Variants in ZNF564 observed in about 807,000 individuals in gnomAD.
ZNF564 encodes the protein zinc finger protein 564.
ZNF564 carries 5 observed loss-of-function variants against 10.5 expected under a neutral mutation model. The observed-to-expected ratio is 0.48, with a 90% confidence interval of 0.25 to 1.00. The LOEUF is 1.00. Among genes scored for constraint, ZNF564 ranks in the 50% least tolerant of loss-of-function variants. ZNF564 has a pLI of 0.16. For synonymous variants in ZNF564, 242 were observed against 218.1 expected, an observed-to-expected ratio of 1.11 and a Z score of -0.97; for missense variants, 603 against 669.7, an observed-to-expected ratio of 0.90 and a Z score of 1.10.
chr19:12,537,802 C>T (rs544197780), intron 1 of ZNF564, among the ~76,000 whole-genome samples: 2 of 151,106 alleles, frequency 1.3e-5, no homozygotes, highest in African/African-American at 4.8e-5. Flanking sequence ...TTGGGTTGTT[C>T]AGTGACAATG....
chr19:12,527,435 A>C lies in ZNF564; in HGVS notation c.673T>G (p.Tyr225Asp). 1 of 1,613,840 alleles carries C rather than the reference A, an allele frequency of 6.2e-7. No homozygotes were observed. Residue 225 changes from tyrosine (Y) to aspartate (D), a missense_variant, in exon 4 of 4, where the codon TAT becomes GAT. Coordinates refer to ENST00000339282, the MANE Select transcript of ZNF564 (RefSeq NM_144976.4). ...HERTHTGEKP[Y>D]ECQECAKAFI... ...GCTTTTGCACATTCCTGACATTCAT[A>C]GGGTTTCTCTCCAGTGTGAGTTCTT...
intron 1 of ZNF564, among the ~76,000 whole-genome samples, chr19:12,549,313 C>A (rs1173154019): frequency 1.3e-5 from 2 of 152,154 alleles, no homozygotes; most frequent in African/African-American, 2.4e-5. Flanking sequence ...CAATGCTGAC[C>A]TGGAATACAG....
chr19:12,541,082 A>AG (rs1200690587), intron 1 of ZNF564, among the ~76,000 whole-genome samples: 2 of 150,368 alleles, frequency 1.3e-5, no homozygotes, highest in Non-Finnish European at 3.0e-5. Flanking sequence ...AAAAAAAAAA[A>AG]AAAAAAGAAA....
chr19:12,549,168 CTT>C (rs975886318), intron 1 of ZNF564, among the ~76,000 whole-genome samples: 9 of 152,306 alleles, frequency 5.9e-5, no homozygotes, highest in African/African-American at 2.2e-4. Flanking sequence ...TCTTTCTCCC[CTT>C]TGTGACCCTC....
intron 1 of ZNF564, among the ~76,000 whole-genome samples, chr19:12,544,145 C>T (rs993950056): frequency 3.3e-5 from 5 of 152,174 alleles, no homozygotes; most frequent in Non-Finnish European, 1.5e-5. Flanking sequence ...CAGTACAGCA[C>T]TTTCTCAACC....
In ZNF564 at chr19:12,526,990, G is replaced by C. The variant is rs1196224492; in HGVS notation, c.1118C>G (p.Ala373Gly). ...TCGGACACTTGGGAGAGAAATGAAG[G>C]CTTTCCCGCATTCCTTACATTCATA... Reference protein sequence around the residue: ...KPYECKECGKAFISLPSVRRH... With the variant: ...KPYECKECGKGFISLPSVRRH... The change falls in exon 4 of 4, where the codon GCC becomes GGC. Residue 373 changes from alanine to glycine, a missense_variant. Transcript: ENST00000339282. The C allele has an allele frequency of 6.2e-7, 1 of 1,614,010 alleles. No homozygotes were observed. The highest frequency in any genetic ancestry group is 8.5e-7 in the Non-Finnish European group (1 of 1,180,006).
rs1253211293 is a variant in ZNF564, at chr19:12,525,620, C to G, written c.*826G>C. ...ACGTGCTTATTGGCCATCTGGGTAT[C>G]TTCTTTGGAGAAATGTCTATTCAAG... On this transcript the variant is annotated 3_prime_UTR_variant, in exon 4 of 4. Transcript: ENST00000339282. 1 of 152,174 alleles carries G rather than the reference C, an allele frequency of 6.6e-6. No individual in the cohort carries two copies. The highest frequency in any genetic ancestry group is 1.5e-5 in the Non-Finnish European group (1 of 68,024). 9.4% of individuals were successfully genotyped at this position (152,174 alleles called of 1,614,324 possible).
Position 12,527,214 on chromosome 19 carries a change from A to G in ZNF564, c.894T>C (p.Ser298=). The change falls in exon 4 of 4, where the codon AGT becomes AGC. Residue 298 remains serine, a synonymous_variant. Coordinates refer to ENST00000339282, the MANE Select transcript of ZNF564 (RefSeq NM_144976.4). Reference sequence around the variant, plus strand: ...CATCCCCAGTGTGCCTAATCATATGACTTTGAAAATTTGTGAAAGAAATGA... The same window carrying G: ...CATCCCCAGTGTGCCTAATCATATGGCTTTGAAAATTTGTGAAAGAAATGA... ...KAFISFTNFQ[S]HMIRHTGDGP... is the part of the protein sequence containing the mutation. 6.2e-7 allele frequency: 1 copy of G among 1,613,730 alleles called. No homozygotes were observed.
intron 1 of ZNF564, among the ~76,000 whole-genome samples, 185 bp downstream of exon 1, chr19:12,551,145 T>C (rs1271953607): frequency 1.3e-5 from 2 of 152,232 alleles, no homozygotes; most frequent in Non-Finnish European, 2.9e-5. Context: ...ACAGGACGCC[T>C]GGGGTACTGG....
At chr19:12,537,157 A>T (rs1286961477) in intron 1 of ZNF564, among the ~76,000 whole-genome samples, 1 of 152,202 alleles carries the variant, frequency 6.6e-6, no homozygotes. Context: ...TTTATGGTAG[A>T]ATTATATTCC....
intron 1 of ZNF564, among the ~76,000 whole-genome samples, chr19:12,546,437 C>T (rs1419017774): frequency 6.6e-6 from 1 of 152,130 alleles, no homozygotes; most frequent in African/African-American, 2.4e-5. Context: ...TATAAGAAAG[C>T]CAGACAGGCG....
chr19:12,535,800 G>C (rs1262469715), intron 1 of ZNF564, among the ~76,000 whole-genome samples: 4 of 152,186 alleles, frequency 2.6e-5, no homozygotes, highest in Middle Eastern at 3.4e-3. Flanking sequence ...CAGATCACGA[G>C]GTCAAGAGAT....
At position 12,535,661 on chromosome 19, in the gene ZNF564, T is replaced by C. The variant is rs1401371962; in HGVS notation, c.4-6965A>G. On this transcript the variant is annotated intron_variant, in intron 1 of 3. Coordinates refer to ENST00000339282, the MANE Select transcript of ZNF564 (RefSeq NM_144976.4). ...TCAACTCTAATGTAAAATGTAAACA[T>C]TAATGCATCCATATTGGTTCAACTG... 2.6e-5 allele frequency among the ~76,000 whole-genome samples: 4 copies of C among 152,228 alleles called. 1 individual carries two copies. The highest frequency in any genetic ancestry group is 5.9e-5 in the Non-Finnish European group (4 of 68,012).
chr19:12,537,396 G>A (rs778430852), intron 1 of ZNF564, among the ~76,000 whole-genome samples: 2 of 152,006 alleles, frequency 1.3e-5, no homozygotes, highest in African/African-American at 2.4e-5. Flanking sequence ...AATTTATGTT[G>A]TATCAGGTAT....
chr19:12,526,789 A>G lies in ZNF564; in HGVS notation c.1319T>C (p.Met440Thr), dbSNP rs1020989307. 1.2e-6 allele frequency: 2 copies of G among 1,613,832 alleles called. No homozygotes were observed. The highest frequency in any genetic ancestry group is 1.3e-5 in the African/African-American group (1 of 74,852). Residue 440 changes from methionine (M) to threonine (T), a missense_variant, in exon 4 of 4, where the codon ATG (methionine) becomes ACG (threonine). Met to Thr is a moderately conservative substitution (Grantham distance 81, BLOSUM62 -1). Transcript: ENST00000339282. ...FISLKRIRKH[M>T]ILHTGDGPYK... ...AGGTCCATCTCCAGTGTGCAGTATC[A>G]TATGTTTTCTAATCCTTTTAAGAGA...
Position 12,551,435 on chromosome 19 carries a change from A to G in ZNF564, c.-103T>C. 1 of 1,448,148 alleles carries G rather than the reference A, an allele frequency of 6.9e-7. No individual in the cohort carries two copies. Among genetic ancestry groups the G allele is most frequent in the Non-Finnish European group, 9.1e-7 (1 of 1,097,836 alleles). 89.7% of individuals were successfully genotyped at this position (1,448,148 alleles called of 1,614,324 possible). ...GCGGTGGAGCCACCGGGGCCACTGG[A>G]GAAGCGGAGACCGGAACCCAAACGC... On this transcript the variant is annotated 5_prime_UTR_variant, in exon 1 of 4. Coordinates refer to ENST00000339282, the MANE Select transcript of ZNF564 (RefSeq NM_144976.4).
At chr19:12,540,478 G>A (rs2145084585) in intron 1 of ZNF564, among the ~76,000 whole-genome samples, 1 of 152,302 alleles carries the variant, frequency 6.6e-6, no homozygotes, top group South Asian at 2.1e-4. Context: ...CCAACACTTT[G>A]GGAGGCTGAG....
At chr19:12,545,198 G>A (rs1377287524) in intron 1 of ZNF564, among the ~76,000 whole-genome samples, 1 of 149,306 alleles carries the variant, frequency 6.7e-6, no homozygotes, top group East Asian at 2.0e-4. Flanking sequence ...GGAGGCGGAG[G>A]TTGTGGTGAG....
chr19:12,551,152 C>G (rs2022250765), intron 1 of ZNF564, among the ~76,000 whole-genome samples, 178 bp downstream of exon 1: 1 of 152,272 alleles, frequency 6.6e-6, no homozygotes, highest in Admixed American at 6.5e-5. Context: ...GCCTGGGGTA[C>G]TGGCTACGGC....
Sources: gnomAD v4.1 joint callset for allele counts (sites outside exome capture counted in the v4.1 genomes callset) on GRCh38, gnomAD v4.1.1 for gene constraint, MANE v1.5 for transcripts, NCBI Gene and HGNC (gene_info 2026-07-23, HGNC 2026-07-21) for gene names.